AKAP13: variants seen among roughly 807,000 people sequenced by gnomAD.
The protein encoded by AKAP13 is A-kinase anchor protein 13.
AKAP13 carries 80 observed loss-of-function variants against 264.5 expected under a neutral mutation model. The observed-to-expected ratio is 0.30, with a 90% CI of 0.25 to 0.36. The LOEUF (loss-of-function observed/expected upper bound fraction) is 0.36. Among genes scored for constraint, AKAP13 ranks in the 10% least tolerant of loss-of-function variants. The pLI is 1.00. For synonymous variants in AKAP13, 1,380 were observed against 1,250.2 expected (o/e 1.10, Z -2.19); for missense variants, 3,712 against 3,435.2 (o/e 1.08, Z -2.01).
chr15:85,730,802 C>G, intron 30 of AKAP13, 95 bp downstream of exon 30: 3 of 1,137,302 alleles, frequency 2.6e-6, no homozygotes, highest in Non-Finnish European at 3.7e-6. Flanking sequence ...TACTTTAAAG[C>G]ACAAATGCAG....
rs557553551 is a variant in AKAP13, at chr15:85,571,425, C to T, written c.663-3706C>T. Among the ~76,000 whole-genome samples, 4 of 152,252 alleles carry T rather than the reference C, an allele frequency of 2.6e-5. No homozygotes were observed. In the South Asian group the frequency reaches 8.3e-4, roughly 32 times the overall value. ...CTTCAGTTACTAACTGGTTAGATTG[C>T]TTCCAGTTTTTAATGAAGTTGTGCC... On this transcript the variant is annotated intron_variant, in intron 5 of 36. Coordinates refer to ENST00000394518, the MANE Select transcript of AKAP13 (RefSeq NM_007200.5).
intron 2 of AKAP13, among the ~76,000 whole-genome samples, chr15:85,512,545 A>G (rs546730600): frequency 6.6e-6 from 1 of 152,284 alleles, no homozygotes; most frequent in African/African-American, 2.4e-5. Context: ...CTTCAAGGTC[A>G]GGATATAGAG....
At chr15:85,668,851 G>A (rs1230154585) in intron 13 of AKAP13, among the ~76,000 whole-genome samples, 1 of 152,148 alleles carries the variant, frequency 6.6e-6, no homozygotes, top group African/African-American at 2.4e-5. Flanking sequence ...GCTGAGGCGG[G>A]AGAATCGCTT....
chr15:85,630,401 C>G (rs979560714), intron 8 of AKAP13, among the ~76,000 whole-genome samples: 4 of 152,108 alleles, frequency 2.6e-5, no homozygotes, highest in African/African-American at 9.7e-5. Flanking sequence ...ACTGTCATTC[C>G]CATCTCTATT....
At chr15:85,400,733 T>G (rs903761963) in intron 1 of AKAP13, among the ~76,000 whole-genome samples, 1 of 152,040 alleles carries the variant, frequency 6.6e-6, no homozygotes, top group Admixed American at 6.6e-5. Flanking sequence ...CTTGGCACTG[T>G]TGATACACCA....
intron 8 of AKAP13, chr15:85,620,297 G>A: frequency 2.4e-6 from 2 of 849,606 alleles, no homozygotes; most frequent in Non-Finnish European, 3.7e-6. Context: ...GCACAGTGGA[G>A]GATGAGGGGT....
chr15:85,580,409 T>A lies in AKAP13; in HGVS notation c.2341T>A (p.Ser781Thr). The change falls in exon 7 of 37, where the codon TCA becomes ACA. Residue 781 changes from serine (S) to threonine (T), a missense_variant. By Grantham distance (58) the Ser-to-Thr change is moderately conservative. Transcript: ENST00000394518. ...ACTGGTGCCAGACCAGGCAGTAATA[T>A]CAGACAGTACTTTCTCTCTGGCAAA... ...KELVPDQAVI[S>T]DSTFSLANSP... The A allele has an allele frequency of 1.2e-6, 2 of 1,614,158 alleles. No individual in the cohort carries two copies. Among genetic ancestry groups the A allele is most frequent in the Non-Finnish European group, 1.7e-6 (2 of 1,180,024 alleles).
intron 8 of AKAP13, among the ~76,000 whole-genome samples, chr15:85,619,144 A>T (rs1050055594): frequency 6.6e-6 from 1 of 151,840 alleles, no homozygotes; most frequent in African/African-American, 2.4e-5. Flanking sequence ...AGCCTTTTTC[A>T]TAGGGGTGGG....
At chr15:85,738,085 T>C (rs1294695903) in intron 33 of AKAP13, among the ~76,000 whole-genome samples, 4 of 152,188 alleles carry the variant, frequency 2.6e-5, no homozygotes, top group African/African-American at 9.7e-5. Context: ...GTTCTTCTGT[T>C]ACTTCTGTTT....
chr15:85,399,535 A>AAAAAAAAAAAAAAAAAAAAAT (rs1567038735), intron 1 of AKAP13, among the ~76,000 whole-genome samples: 1 of 105,596 alleles, frequency 9.5e-6, no homozygotes, highest in African/African-American at 4.1e-5. Flanking sequence ...AAAAAATAAA[A>AAAAAAAAAAAAAAAAAAAAAT]AAATAAATAA....
intron 1 of AKAP13, among the ~76,000 whole-genome samples, chr15:85,404,310 A>G (rs1415107275): frequency 6.6e-6 from 1 of 152,192 alleles, no homozygotes; most frequent in Non-Finnish European, 1.5e-5. Context: ...TGCCCCATTT[A>G]AAAATAGTAG....
intron 5 of AKAP13, among the ~76,000 whole-genome samples, chr15:85,550,377 C>G (rs567605667): frequency 6.6e-6 from 1 of 152,300 alleles, no homozygotes; most frequent in African/African-American, 2.4e-5. Context: ...CTGACAAGCT[C>G]TAGGTACTCA....
rs760959421 is a variant in AKAP13 at position 85,521,409 on chromosome 15, A to G, written c.34-19A>G. 5 of 1,612,804 alleles carry G rather than the reference A, an allele frequency of 3.1e-6. No individual in the cohort carries two copies. The highest frequency in any genetic ancestry group is 1.3e-5 in the African/African-American group (1 of 74,900). The stretch of plus-strand genomic sequence containing the variant: ...GGAACCTTACTAATGTAAACTTGCT[A>G]TATTGTTTCCTTTCCTAGGGTGATT... On this transcript the variant is annotated intron_variant, in intron 2 of 36. Transcript: ENST00000394518.
In AKAP13 at chr15:85,717,308, C is replaced by T; in HGVS notation, c.5754C>T (p.Asn1918=). The change falls in exon 21 of 37, where the codon AAC becomes AAT. Residue 1918 remains asparagine, a synonymous_variant. Transcript: ENST00000394518. ...TCCCCAGAGTTGGCAATGATGAGAACATGTCAAACACCTGGAAATTCCTGT... is the reference window on the plus strand; with the variant it reads ...TCCCCAGAGTTGGCAATGATGAGAATATGTCAAACACCTGGAAATTCCTGT... The part of the protein sequence containing the change: ...QNITGVGNDE[N]MSNTWKFLSH... The T allele has an allele frequency of 6.2e-7, 1 of 1,611,500 alleles. No homozygotes were observed. Among genetic ancestry groups the T allele is most frequent in the South Asian group, 1.1e-5 (1 of 90,588 alleles).
At chr15:85,648,112 G>C (rs2082641140) in intron 10 of AKAP13, among the ~76,000 whole-genome samples, 1 of 151,930 alleles carries the variant, frequency 6.6e-6, no homozygotes, top group African/African-American at 2.4e-5. Context: ...CCCCGCAAGG[G>C]GAATACCATT....
At chr15:85,458,833 A>G (rs934816233) in intron 1 of AKAP13, among the ~76,000 whole-genome samples, 6 of 152,134 alleles carry the variant, frequency 3.9e-5, no homozygotes, top group Non-Finnish European at 7.4e-5. Flanking sequence ...ATAAGCATCA[A>G]TCTTACTGTG....
chr15:85,669,323 A>G (rs1472806829), intron 13 of AKAP13, among the ~76,000 whole-genome samples: 1 of 152,250 alleles, frequency 6.6e-6, no homozygotes, highest in Non-Finnish European at 1.5e-5. Flanking sequence ...TTAGATTTTC[A>G]AAGAACAAGT....
rs75217928 is a variant in AKAP13 at position 85,444,581 on chromosome 15, G to A, written c.-11-41129G>A. 6.4e-3 allele frequency among the ~76,000 whole-genome samples: 968 copies of A among 152,240 alleles called. 10 individuals carry two copies. The highest frequency in any genetic ancestry group is 0.022 in the African/African-American group (917 of 41,544). On this transcript the variant is annotated intron_variant, in intron 1 of 36. Transcript: ENST00000394518. ...CCTTTTCACATGTTAGAAAAATTGG[G>A]AAGAAAATCTGTAAGTGAAATGCCA... is the stretch of plus-strand genomic sequence containing the variant.
chr15:85,461,452 A>G (rs1033484733), intron 1 of AKAP13, among the ~76,000 whole-genome samples: 4 of 152,156 alleles, frequency 2.6e-5, no homozygotes, highest in Admixed American at 6.5e-5. Context: ...AACTTTGCAC[A>G]GTGCTAACAC....
Sources: gnomAD v4.1 joint callset for allele counts (sites outside exome capture counted in the v4.1 genomes callset) on GRCh38, gnomAD v4.1.1 for gene constraint, MANE v1.5 for transcripts, NCBI Gene and HGNC (gene_info 2026-07-23, HGNC 2026-07-21) for gene names.